The following ZNF394 variants were observed in gnomAD, a reference collection of about 807,000 sequenced individuals.
ZNF394 encodes zinc finger protein 99.
Under a neutral mutation model 21.8 loss-of-function variants are expected in ZNF394, and 19 were observed. The observed-to-expected ratio is 0.87, with a 90% CI of 0.61 to 1.28. ZNF394 has a LOEUF of 1.28. Ranked by LOEUF, ZNF394 falls within the 50% of genes most tolerant of loss-of-function variation. The pLI is 0.00. For synonymous variants in ZNF394, 294 were observed against 273.3 expected (o/e 1.08, Z -0.75); for missense variants, 683 against 708.6 (o/e 0.96, Z 0.41).
downstream of ZNF394, among the ~76,000 whole-genome samples, chr7:99,490,238 T>C (rs1800133752): frequency 7.5e-6 from 1 of 133,196 alleles, no homozygotes; most frequent in African/African-American, 2.8e-5. Flanking sequence ...CACTGCAACC[T>C]CCGCCTCCTG....
rs774858063 is a variant in ZNF394 at position 99,499,727 on chromosome 7, A to G, written c.367T>C (p.Trp123Arg). The G allele has an allele frequency of 3.1e-6, 5 of 1,614,024 alleles. No individual in the cohort carries two copies. The East Asian group carries it at 1.1e-4, about 36-fold the overall frequency. The part of the protein sequence containing the change: ...LTILPEELQA[W>R]VREHCPESGE... ...CTCTCTGGGCAGTGCTCTCGCACCC[A>G]GGCTTGAAGCTCCTCGGGCAGGATG... The change falls in exon 1 of 3, where the codon TGG (tryptophan) becomes CGG (arginine). Residue 123 changes from tryptophan (W) to arginine (R), a missense_variant. By Grantham distance (101) the Trp-to-Arg change is moderately radical. Transcript: ENST00000337673.
rs201390152 is a variant in ZNF394 at position 99,494,106 on chromosome 7, C to A, written c.1109G>T (p.Arg370Leu). 1 of 1,614,196 alleles carries A rather than the reference C, an allele frequency of 6.2e-7. No individual in the cohort carries two copies. The highest frequency in any genetic ancestry group is 1.7e-5 in the Admixed American group (1 of 60,018). The change falls in exon 3 of 3, where the codon CGC becomes CTC. Residue 370 changes from arginine to leucine, a missense_variant. Physicochemically the swap from Arg to Leu is moderately radical, Grantham distance 102. Coordinates refer to ENST00000337673, the MANE Select transcript of ZNF394 (RefSeq NM_032164.4). ...CGNCGKSFKQ[R>L]SDLFRHQRIH... The stretch of plus-strand genomic sequence containing the variant: ...TCTCTGGTGTCTAAAGAGGTCAGAG[C>A]GTTGTTTGAAACTCTTCCCACAGTT...
At chr7:99,496,160 TTAGTAGGTATTA>T (rs1423238101) in intron 2 of ZNF394, among the ~76,000 whole-genome samples, 3 of 151,576 alleles carry the variant, frequency 2.0e-5, no homozygotes, top group Non-Finnish European at 2.9e-5. Context: ...AGTAGGTATT[TTAGTAGGTATTA>T]TAGTAGGTAT....
chr7:99,496,008 A>G (rs1044261787), intron 2 of ZNF394, among the ~76,000 whole-genome samples: 5 of 147,114 alleles, frequency 3.4e-5, no homozygotes, highest in Admixed American at 2.7e-4. Context: ...TGCAACCTCC[A>G]CCTCCCAGGT....
At chr7:99,499,012 T>C (rs897461576) in intron 1 of ZNF394, among the ~76,000 whole-genome samples, 170 bp from the exon 2 acceptor site, 4 of 152,024 alleles carry the variant, frequency 2.6e-5, no homozygotes, top group African/African-American at 9.7e-5. Context: ...ATTTTGGAGG[T>C]AGGTAGGAGC....
In ZNF394 at chr7:99,493,651, C is replaced by T; in HGVS notation, c.1564G>A (p.Glu522Lys). 1 of 1,614,178 alleles carries T rather than the reference C, an allele frequency of 6.2e-7. No homozygotes were observed. The highest frequency in any genetic ancestry group is 1.3e-5 in the African/African-American group (1 of 75,052). ...LIKHQRIHTG[E>K]KPYKCLECGE... ...CATTCAAGACATTTGTAAGGCTTTT[C>T]CCCAGTGTGAATTCTCTGGTGTTTA... The change falls in exon 3 of 3, where the codon GAA becomes AAA. Residue 522 changes from glutamate (E) to lysine (K), a missense_variant. By Grantham distance (56) the Glu-to-Lys change is moderately conservative. Coordinates refer to ENST00000337673, the MANE Select transcript of ZNF394 (RefSeq NM_032164.4).
chr7:99,494,716 A>G (rs1246850011), intron 2 of ZNF394, 85 bp from the exon 3 acceptor site: 1 of 1,467,064 alleles, frequency 6.8e-7, no homozygotes, highest in African/African-American at 1.5e-5. Flanking sequence ...TTAAACCCTC[A>G]AACCCCTTTT....
At chr7:99,487,331 G>C in intron 1 of ZNF394, 3 of 1,614,254 alleles carry the variant, frequency 1.9e-6, no homozygotes, top group African/African-American at 1.3e-5. Context: ...TGTGGAGAAT[G>C]TGGGAAAACG....
chr7:99,489,779 C>A (rs939524489), downstream of ZNF394, among the ~76,000 whole-genome samples: 4 of 152,236 alleles, frequency 2.6e-5, no homozygotes, highest in East Asian at 7.7e-4. Context: ...CCCTAGAGCT[C>A]AACAATATAA....
rs756755146 is a variant in ZNF394, at chr7:99,494,517, G to C, written c.698C>G (p.Ser233Cys). 2.5e-6 allele frequency: 4 copies of C among 1,613,496 alleles called. No individual in the cohort carries two copies. In the African/African-American group the frequency reaches 5.3e-5, roughly 22 times the overall value. Residue 233 changes from serine (S) to cysteine (C), a missense_variant, in exon 3 of 3, where the codon TCT becomes TGT. Ser to Cys is a moderately radical substitution (Grantham distance 112, BLOSUM62 -1). Transcript: ENST00000337673. ...EAFQGKRPLF[S>C]KCGSTHEDRV... ...GTCCTCATGGGTACTGCCACACTTA[G>C]AAAACAGGGGGCGCTTCCCCTGGAA...
At chr7:99,499,514 G>C in intron 1 of ZNF394, 124 bp downstream of exon 1, 2 of 857,150 alleles carry the variant, frequency 2.3e-6, no homozygotes, top group South Asian at 3.5e-5. Context: ...CTACAGAAAG[G>C]AAGTCCATAC....
chr7:99,488,909 C>G (rs754410123), downstream of ZNF394, among the ~76,000 whole-genome samples: 1 of 127,888 alleles, frequency 7.8e-6, no homozygotes, highest in Non-Finnish European at 1.6e-5. Flanking sequence ...CCAGCCTGGG[C>G]GACAGACCAA....
In ZNF394 at chr7:99,493,992, T is replaced by TG; in HGVS notation, c.1222dup (p.His408ProfsTer31). 2 of 1,614,238 alleles carry TG rather than the reference T, an allele frequency of 1.2e-6. No homozygotes were observed. The highest frequency in any genetic ancestry group is 1.7e-6 in the Non-Finnish European group (2 of 1,180,046). On this transcript the variant is annotated frameshift_variant, in exon 3 of 3. Transcript: ENST00000337673. LOFTEE classifies it low-confidence loss of function (END_TRUNC). ...ACAGGTGTACGGCTTCTCGCCTGTG[T>TG]GTGTCCTCTGGTGCTTGGTCAGGGC... is the stretch of plus-strand genomic sequence containing the variant.
At chr7:99,486,546 T>A in exon 2 of ZNF394, 1 of 1,614,104 alleles carries the variant, frequency 6.2e-7, no homozygotes, top group Non-Finnish European at 8.5e-7. Flanking sequence ...TAGAGTCATA[T>A]AAGATATCAG....
At chr7:99,487,377 C>G in intron 1 of ZNF394, 1 of 1,614,206 alleles carries the variant, frequency 6.2e-7, no homozygotes, top group African/African-American at 1.3e-5. Flanking sequence ...GACATCAGGT[C>G]ATTCACACTG....
At chr7:99,487,536 A>C (rs778378153) in intron 1 of ZNF394, 2 of 1,550,252 alleles carry the variant, frequency 1.3e-6, no homozygotes, top group Admixed American at 2.0e-5. Context: ...ATAAACCTCT[A>C]CTTCAAGTGT....
chr7:99,494,281 C>T lies in ZNF394; in HGVS notation c.934G>A (p.Glu312Lys). 2.5e-6 allele frequency: 4 copies of T among 1,614,248 alleles called. No homozygotes were observed. The highest frequency in any genetic ancestry group is 3.4e-6 in the Non-Finnish European group (4 of 1,180,054). ...CTTTGCTTGCACTTGTTCCCGTGTT[C>T]CTCACTGTCAGTGGGCCTCTCTGCT... is the stretch of plus-strand genomic sequence containing the variant. ...PKAERPTDSEEHGNKCKQSFH... is the reference protein window; with the variant it reads ...PKAERPTDSEKHGNKCKQSFH... The change falls in exon 3 of 3, where the codon GAA (glutamate) becomes AAA (lysine). Residue 312 changes from glutamate to lysine, a missense_variant. Around this residue, in one of 3 missense-constraint regions of ZNF394, gnomAD observed 274 missense variants for 314.1 expected, o/e 0.87. Transcript: ENST00000337673.
chr7:99,487,114 C>G (rs764652127), intron 1 of ZNF394: 1 of 1,614,122 alleles, frequency 6.2e-7, no homozygotes, highest in Non-Finnish European at 8.5e-7. Flanking sequence ...AACCCTTATT[C>G]GACATCAGGT....
chr7:99,492,029 C>T (rs1373646555), downstream of ZNF394, among the ~76,000 whole-genome samples: 4 of 138,366 alleles, frequency 2.9e-5, no homozygotes, highest in South Asian at 4.7e-4. Flanking sequence ...GCCGAGATTG[C>T]GCCACTGCAC....
Sources: gnomAD v4.1 joint callset for allele counts (sites outside exome capture counted in the v4.1 genomes callset) on GRCh38, gnomAD v4.1.1 for gene constraint, gnomAD v4.1.1 regional missense constraint, MANE v1.5 for transcripts, NCBI Gene and HGNC (gene_info 2026-07-23, HGNC 2026-07-21) for gene names.